The following AASDHPPT variants were observed in gnomAD, a reference collection of about 807,000 sequenced individuals.
AASDHPPT encodes the protein L-aminoadipate-semialdehyde dehydrogenase-phosphopantetheinyl transferase.
A neutral mutation model predicts 36.4 loss-of-function variants in AASDHPPT; 23 were observed. That is an observed-to-expected ratio of 0.63 (90% CI 0.45 to 0.89). AASDHPPT has a LOEUF of 0.89. Ranked by LOEUF, AASDHPPT falls within the 40% of genes least tolerant of loss-of-function variation. The pLI is 0.00. For missense variants in AASDHPPT, 377 were observed against 378.2 expected (o/e 1.00, Z 0.03); for synonymous variants, 115 against 128.0 (o/e 0.90, Z 0.68).
chr11:106,081,972 C>T (rs934751130), intron 2 of AASDHPPT, among the ~76,000 whole-genome samples: 6 of 151,648 alleles, frequency 4.0e-5, no homozygotes, highest in African/African-American at 1.5e-4. Flanking sequence ...CTAACCTGCA[C>T]ATTGTGCACA....
At chr11:106,082,490 C>T (rs1861154437) in intron 2 of AASDHPPT, among the ~76,000 whole-genome samples, 1 of 152,186 alleles carries the variant, frequency 6.6e-6, no homozygotes, top group South Asian at 2.1e-4. Flanking sequence ...ATTGCCAACT[C>T]TAAAGACAGA....
intron 3 of AASDHPPT, 108 bp downstream of exon 3, chr11:106,090,786 A>G: frequency 7.2e-7 from 1 of 1,391,620 alleles, no homozygotes; most frequent in Admixed American, 2.7e-5. Flanking sequence ...TGCTTGAAGT[A>G]AATGGGTGAT....
rs749483980 is a variant in AASDHPPT at position 106,096,932 on chromosome 11, A to G, written c.*25A>G. 1 of 1,569,190 alleles carries G rather than the reference A, an allele frequency of 6.4e-7. No homozygotes were observed. Among genetic ancestry groups the G allele is most frequent in the East Asian group, 2.3e-5 (1 of 42,970 alleles). On this transcript the variant is annotated 3_prime_UTR_variant, in exon 6 of 6. Transcript: ENST00000278618. ...ATGATTCCCTGAGTAACAAAGGGAA[A>G]TGAAAACTGTTTGTGATCTTCCGTA...
In AASDHPPT at chr11:106,090,635, T is replaced by C. The variant is rs769778029; in HGVS notation, c.488T>C (p.Phe163Ser). 1.2e-6 allele frequency: 2 copies of C among 1,600,460 alleles called. No homozygotes were observed. The highest frequency in any genetic ancestry group is 1.7e-6 in the Non-Finnish European group (2 of 1,174,656). Residue 163 changes from phenylalanine to serine, a missense_variant, in exon 3 of 6, where the codon TTT becomes TCT. By Grantham distance (155) the Phe-to-Ser change is radical (BLOSUM62 -2). Coordinates refer to ENST00000278618, the MANE Select transcript of AASDHPPT (RefSeq NM_015423.3). ...TNKEWETIRSFKDEWTQLDMF... is the reference protein window; with the variant it reads ...TNKEWETIRSSKDEWTQLDMF... ...AAAGAATGGGAAACAATCAGAAGCT[T>C]TAAGGATGAGTGGACTCAGCTGGAT...
At chr11:106,086,442 A>G (rs1861197602) in intron 2 of AASDHPPT, 1 of 152,170 alleles carries the variant, frequency 6.6e-6, no homozygotes, top group Non-Finnish European at 1.5e-5. Flanking sequence ...TAACTTGATT[A>G]CATCTATAAA....
At chr11:106,090,107 T>C (rs894580655) in intron 2 of AASDHPPT, among the ~76,000 whole-genome samples, 1 of 151,982 alleles carries the variant, frequency 6.6e-6, no homozygotes, top group African/African-American at 2.4e-5. Context: ...CTCTGTTACA[T>C]AACAAAATAA....
intron 2 of AASDHPPT, among the ~76,000 whole-genome samples, chr11:106,087,041 G>A (rs185648166): frequency 2.7e-4 from 41 of 152,306 alleles, no homozygotes; most frequent in African/African-American, 9.6e-4. Context: ...TTGCCTCTGT[G>A]TGTTAATACC....
intron 5 of AASDHPPT, chr11:106,095,878 G>C (rs1392103272): frequency 6.6e-6 from 1 of 152,124 alleles, no homozygotes; most frequent in Non-Finnish European, 1.5e-5. Flanking sequence ...TGTTTTCATA[G>C]AGCTTTATAA....
rs1277206384 is a variant in AASDHPPT at position 106,090,633 on chromosome 11, C to G, written c.486C>G (p.Ser162Arg). 1 of 1,599,332 alleles carries G rather than the reference C, an allele frequency of 6.3e-7. No individual in the cohort carries two copies. The highest frequency in any genetic ancestry group is 1.1e-5 in the South Asian group (1 of 88,044). ...FTNKEWETIR[S>R]FKDEWTQLDM... The stretch of plus-strand genomic sequence containing the variant: ...ACAAAGAATGGGAAACAATCAGAAG[C>G]TTTAAGGATGAGTGGACTCAGCTGG... Residue 162 changes from serine (S) to arginine (R), a missense_variant, in exon 3 of 6, where the codon AGC becomes AGG. Transcript: ENST00000278618.
intron 1 of AASDHPPT, among the ~76,000 whole-genome samples, chr11:106,078,813 G>A (rs541931244): frequency 1.1e-4 from 17 of 152,214 alleles, no homozygotes; most frequent in African/African-American, 4.1e-4. Context: ...GTTTTTTTGT[G>A]TGTGTGTTTT....
intron 2 of AASDHPPT, among the ~76,000 whole-genome samples, chr11:106,088,575 G>A (rs1049272933): frequency 6.6e-6 from 1 of 152,008 alleles, no homozygotes; most frequent in Non-Finnish European, 1.5e-5. Flanking sequence ...AAAATTTCCA[G>A]ATTTACTTTT....
Position 106,077,697 on chromosome 11 carries a change from T to G in AASDHPPT, c.-14T>G. 1.2e-6 allele frequency: 2 copies of G among 1,606,114 alleles called. No individual in the cohort carries two copies. Among genetic ancestry groups the G allele is most frequent in the Non-Finnish European group, 1.7e-6 (2 of 1,173,968 alleles). On this transcript the variant is annotated 5_prime_UTR_variant, in exon 1 of 6. Coordinates refer to ENST00000278618, the MANE Select transcript of AASDHPPT (RefSeq NM_015423.3). Reference sequence around the variant, plus strand: ...CATCAGGCCCGAGATAGCGGCGAGGTCCGCTTTCAGTGTATGGTTTTCCCT... The same window carrying G: ...CATCAGGCCCGAGATAGCGGCGAGGGCCGCTTTCAGTGTATGGTTTTCCCT...
In AASDHPPT at chr11:106,094,632, C is replaced by G; in HGVS notation, c.743C>G (p.Pro248Arg). The change falls in exon 5 of 6, where the codon CCC becomes CGC. Residue 248 changes from proline (P) to arginine (R), a missense_variant. Coordinates refer to ENST00000278618, the MANE Select transcript of AASDHPPT (RefSeq NM_015423.3). ...TTTGTTGCAGTTGCTCTTAGGAAAC[C>G]CGATGGATCTAGACATCAGGATGTA... ...HHFVAVALRK[P>R]DGSRHQDVPS... The G allele has an allele frequency of 6.2e-7, 1 of 1,604,022 alleles. No individual in the cohort carries two copies.
rs773933979 is a variant in AASDHPPT at position 106,090,542 on chromosome 11, TTTC to T, written c.410-12_410-10del. 1.9e-6 allele frequency: 3 copies of T among 1,558,360 alleles called. No individual in the cohort carries two copies. Among genetic ancestry groups the T allele is most frequent in the Non-Finnish European group, 2.6e-6 (3 of 1,158,786 alleles). ...AATAGAACTGCTATTTAATTTTTTA[TTTC>T]TTAATTGGCAGGTCGTGGTTCAATT... On this transcript the variant is annotated splice_polypyrimidine_tract_variant and intron_variant, in intron 2 of 5. Transcript: ENST00000278618.
intron 5 of AASDHPPT, among the ~76,000 whole-genome samples, chr11:106,096,269 G>A (rs1407698205): frequency 2.2e-4 from 34 of 152,048 alleles, no homozygotes; most frequent in Non-Finnish European, 4.4e-5. Flanking sequence ...GTAAGATACA[G>A]TTTAAATTTA....
At position 106,079,540 on chromosome 11, in the gene AASDHPPT, G is replaced by C; in HGVS notation, c.257G>C (p.Arg86Thr). The C allele has an allele frequency of 6.2e-7, 1 of 1,614,120 alleles. No individual in the cohort carries two copies. Among genetic ancestry groups the C allele is most frequent in the Non-Finnish European group, 8.5e-7 (1 of 1,179,986 alleles). ...CCTTGGAATCATATTCGTTTGCAAA[G>C]AACTGCAAAAGGAAAACCAGTTCTT... ...NIPWNHIRLQ[R>T]TAKGKPVLAK... Residue 86 changes from arginine (R) to threonine (T), a missense_variant, in exon 2 of 6, where the codon AGA (arginine) becomes ACA (threonine). Physicochemically the swap from Arg to Thr is moderately conservative, Grantham distance 71 (BLOSUM62 -1). Coordinates refer to ENST00000278618, the MANE Select transcript of AASDHPPT (RefSeq NM_015423.3).
At chr11:106,094,172 A>C (rs1401780037) in intron 4 of AASDHPPT, 1 of 154,106 alleles carries the variant, frequency 6.5e-6, no homozygotes, top group African/African-American at 2.4e-5. Flanking sequence ...CTAACAAGAC[A>C]TGACAACTGA....
At position 106,077,896 on chromosome 11, in the gene AASDHPPT, A is replaced by G; in HGVS notation, c.183+3A>G. 1 of 1,613,620 alleles carries G rather than the reference A, an allele frequency of 6.2e-7. No individual in the cohort carries two copies. Among genetic ancestry groups the G allele is most frequent in the Non-Finnish European group, 8.5e-7 (1 of 1,179,600 alleles). Reference sequence around the variant, plus strand: ...CCCGGGACGCTAAGGCAGCCATGGTACTACAGGTCTTTTTTGGTATTTAGA... The same window carrying G: ...CCCGGGACGCTAAGGCAGCCATGGTGCTACAGGTCTTTTTTGGTATTTAGA... On this transcript the variant is annotated splice_donor_region_variant and intron_variant, in intron 1 of 5. Transcript: ENST00000278618.
chr11:106,093,787 C>T (rs1429121456), intron 4 of AASDHPPT: 1 of 152,130 alleles, frequency 6.6e-6, no homozygotes, highest in Non-Finnish European at 1.5e-5. Flanking sequence ...AAGTCCCCTT[C>T]CCCTTTGTCT....
Sources: allele counts gnomAD v4.1 joint callset (sites outside exome capture counted in the v4.1 genomes callset), GRCh38; gene constraint gnomAD v4.1.1; transcripts MANE v1.5; gene names NCBI Gene and HGNC (gene_info 2026-07-23, HGNC 2026-07-21).